UROD: variants seen among roughly 807,000 people sequenced by gnomAD.
UROD encodes the protein uroporphyrinogen decarboxylase.
A neutral mutation model predicts 47.1 loss-of-function variants in UROD; 34 were observed. That is an observed-to-expected ratio of 0.72 (90% CI 0.55 to 0.96). The LOEUF is 0.96. Among genes scored for constraint, UROD ranks in the 40% least tolerant of loss-of-function variants. The pLI is 0.00. For missense variants in UROD, 381 were observed against 471.8 expected, an observed-to-expected ratio of 0.81 and a Z score of 1.78; for synonymous variants, 148 against 175.8, an observed-to-expected ratio of 0.84 and a Z score of 1.25.
chr1:45,014,164 G>C (rs1190067419), intron 6 of UROD, 94 bp downstream of exon 6: 1 of 1,585,634 alleles, frequency 6.3e-7, no homozygotes, highest in Non-Finnish European at 8.7e-7. Context: ...GGGTCTTAAT[G>C]CCAGGGATGA....
Position 45,012,913 on chromosome 1 carries a change from G to A in UROD, c.27G>A (p.Gln9=). Residue 9 remains glutamine, a synonymous_variant, in exon 2 of 10, where the codon CAG becomes CAA. Coordinates refer to ENST00000246337, the MANE Select transcript of UROD (RefSeq NM_000374.5). The part of the protein sequence containing the change: MEANGLGP[Q]GFPELKNDTF... ...ACCCCCACCTGATCGCCAGACCTCA[G>A]GGTTTTCCGGAGCTGAAGAATGACA... 1 of 1,613,264 alleles carries A rather than the reference G, an allele frequency of 6.2e-7. No individual in the cohort carries two copies. Among genetic ancestry groups the A allele is most frequent in the Non-Finnish European group, 8.5e-7 (1 of 1,179,742 alleles).
Position 45,013,026 on chromosome 1 carries a change from G to A in UROD, c.133+7G>A, listed in dbSNP as rs191872916. 7 of 1,614,176 alleles carry A rather than the reference G, an allele frequency of 4.3e-6. No individual in the cohort carries two copies. The African/African-American group carries it at 9.3e-5, about 22-fold the overall frequency. ...GCAGGCCGTTACTTACCAGGTAAGAGTCAGGGTCTGGAAATCTAGATAAAA... is the reference window on the plus strand; with the variant it reads ...GCAGGCCGTTACTTACCAGGTAAGAATCAGGGTCTGGAAATCTAGATAAAA... On this transcript the variant is annotated splice_region_variant and intron_variant, in intron 2 of 9. Transcript: ENST00000246337. This position sits in a 1 kb window ranked among gnomAD's most constrained non-coding sequence, Gnocchi z 4.2.
In UROD at chr1:45,013,905, C is replaced by G; in HGVS notation, c.475-4C>G. 1 of 1,614,226 alleles carries G rather than the reference C, an allele frequency of 6.2e-7. No homozygotes were observed. Among genetic ancestry groups the G allele is most frequent in the Non-Finnish European group, 8.5e-7 (1 of 1,180,048 alleles). ...TGTGACACCATCTTTCTATCCTTCTCTAGTGGACCCTGATGACATACATGG... is the reference window on the plus strand; with the variant it reads ...TGTGACACCATCTTTCTATCCTTCTGTAGTGGACCCTGATGACATACATGG... On this transcript the variant is annotated splice_polypyrimidine_tract_variant and splice_region_variant and intron_variant, in intron 5 of 9. Coordinates refer to ENST00000246337, the MANE Select transcript of UROD (RefSeq NM_000374.5). This position sits in a 1 kb window ranked among gnomAD's most constrained non-coding sequence, Gnocchi z 4.2.
rs778905179 is a variant in UROD at position 45,014,543 on chromosome 1, G to A, written c.741G>A (p.Arg247=). The A allele has an allele frequency of 5.6e-6, 9 of 1,614,254 alleles. No individual in the cohort carries two copies. The South Asian group carries it at 8.8e-5, about 16-fold the overall frequency. ...ATGTGGCCAAGCAAGTGAAGGCCAG[G>A]TTGCGGGAGGCAGGCCTGGCACCAG... ...IRDVAKQVKA[R]LREAGLAPVP... Residue 247 remains arginine, a synonymous_variant, in exon 7 of 10, where the codon AGG becomes AGA. Coordinates refer to ENST00000246337, the MANE Select transcript of UROD (RefSeq NM_000374.5).
Position 45,013,018 on chromosome 1 carries a change from A to G in UROD, c.132A>G (p.Pro44=). Residue 44 remains proline (P), a splice_region_variant and synonymous_variant, in exon 2 of 10, where the codon CCA becomes CCG. Transcript: ENST00000246337. The surrounding 1 kb of genome is among the most constrained non-coding windows in gnomAD (Gnocchi z 4.2). ...TGCGCCAGGCAGGCCGTTACTTACC[A>G]GGTAAGAGTCAGGGTCTGGAAATCT... ...WCMRQAGRYL[P]EFRETRAAQD... is the part of the protein sequence containing the mutation. 2 of 1,614,032 alleles carry G rather than the reference A, an allele frequency of 1.2e-6. No homozygotes were observed. Among genetic ancestry groups the G allele is most frequent in the South Asian group, 1.1e-5 (1 of 91,078 alleles).
Position 45,013,443 on chromosome 1 carries a change from T to C in UROD, c.276+89T>C. On this transcript the variant is annotated intron_variant, in intron 4 of 9. Transcript: ENST00000246337. This position sits in a 1 kb window ranked among gnomAD's most constrained non-coding sequence, Gnocchi z 4.2. ...CCAGTCAAGGTTTACAATAAGCACTTATCCTAACTGGATCGAGGGAAAAAC... is the reference window on the plus strand; with the variant it reads ...CCAGTCAAGGTTTACAATAAGCACTCATCCTAACTGGATCGAGGGAAAAAC... The C allele has an allele frequency of 6.2e-7, 1 of 1,605,648 alleles. No homozygotes were observed. The highest frequency in any genetic ancestry group is 8.5e-7 in the Non-Finnish European group (1 of 1,172,390).
Position 45,013,151 on chromosome 1 carries a change from G to A in UROD, c.149G>A (p.Arg50Gln). Reference sequence around the variant, plus strand: ...CTGTATGCAGAGTTTAGGGAAACCCGGGCTGCCCAGGACTTTTTCAGCACG... The same window carrying A: ...CTGTATGCAGAGTTTAGGGAAACCCAGGCTGCCCAGGACTTTTTCAGCACG... ...GRYLPEFRET[R>Q]AAQDFFSTCR... Residue 50 changes from arginine (R) to glutamine (Q), a missense_variant, in exon 3 of 10, where the codon CGG becomes CAG. Physicochemically the swap from Arg to Gln is conservative, Grantham distance 43. Coordinates refer to ENST00000246337, the MANE Select transcript of UROD (RefSeq NM_000374.5). The surrounding 1 kb of genome is among the most constrained non-coding windows in gnomAD (Gnocchi z 4.2). 1 of 1,614,162 alleles carries A rather than the reference G, an allele frequency of 6.2e-7. No individual in the cohort carries two copies. Among genetic ancestry groups the A allele is most frequent in the African/African-American group, 1.3e-5 (1 of 75,024 alleles).
rs1366344952 is a variant in UROD, at chr1:45,013,649, C to T, written c.332C>T (p.Pro111Leu). Reference sequence around the variant, plus strand: ...GGCAAAGGACCCAGCTTCCCAGAGCCATTAAGAGAAGAGCAGGACCTAGAA... The same window carrying T: ...GGCAAAGGACCCAGCTTCCCAGAGCTATTAAGAGAAGAGCAGGACCTAGAA... ...VPGKGPSFPE[P>L]LREEQDLERL... Residue 111 changes from proline to leucine, a missense_variant, in exon 5 of 10, where the codon CCA (proline) becomes CTA (leucine). Physicochemically the swap from Pro to Leu is moderately conservative, Grantham distance 98. Transcript: ENST00000246337. This position sits in a 1 kb window ranked among gnomAD's most constrained non-coding sequence, Gnocchi z 4.2. 1 of 1,614,132 alleles carries T rather than the reference C, an allele frequency of 6.2e-7. No homozygotes were observed.
In UROD at chr1:45,013,791, A is replaced by G; in HGVS notation, c.474A>G (p.Pro158=). The G allele has an allele frequency of 1.2e-6, 2 of 1,614,178 alleles. No homozygotes were observed. Among genetic ancestry groups the G allele is most frequent in the African/African-American group, 2.7e-5 (2 of 75,062 alleles). The part of the protein sequence containing the change: ...RVPLIGFAGA[P]WTLMTYMVEG... ...CGCTGATTGGCTTTGCTGGTGCCCCAGTAATGTGGGACAGGGCAGGGACTC... is the reference window on the plus strand; with the variant it reads ...CGCTGATTGGCTTTGCTGGTGCCCCGGTAATGTGGGACAGGGCAGGGACTC... The change falls in exon 5 of 10, where the codon CCA becomes CCG. Residue 158 remains proline (P), a splice_region_variant and synonymous_variant. Transcript: ENST00000246337. This position sits in a 1 kb window ranked among gnomAD's most constrained non-coding sequence, Gnocchi z 4.2.
chr1:45,013,369 C>A lies in UROD; in HGVS notation c.276+15C>A. ...TTGTACCCCAGGTACCCACTCAAAC[C>A]TGATCCTAGAATATAATCCAAGGAC... On this transcript the variant is annotated intron_variant, in intron 4 of 9. Transcript: ENST00000246337. This position sits in a 1 kb window ranked among gnomAD's most constrained non-coding sequence, Gnocchi z 4.2. The A allele has an allele frequency of 6.2e-7, 1 of 1,614,206 alleles. No individual in the cohort carries two copies. Among genetic ancestry groups the A allele is most frequent in the Non-Finnish European group, 8.5e-7 (1 of 1,180,026 alleles).
At position 45,014,996 on chromosome 1, in the gene UROD, A is replaced by T. The variant is rs121918061; in HGVS notation, c.932A>T (p.Tyr311Phe). The change falls in exon 9 of 10, where the codon TAT becomes TTT. Residue 311 changes from tyrosine (Y) to phenylalanine (F), a missense_variant. By Grantham distance (22) the Tyr-to-Phe change is conservative. Transcript: ENST00000246337. The stretch of plus-strand genomic sequence containing the variant: ...GGCAACCTGGACCCCTGTGCCTTGT[A>T]TGCATCTGAGGTAACAGCCAGGGCC... ...LQGNLDPCAL[Y>F]ASEEEIGQLV... 2 of 1,613,670 alleles carry T rather than the reference A, an allele frequency of 1.2e-6. No individual in the cohort carries two copies. The highest frequency in any genetic ancestry group is 1.7e-4 in the Middle Eastern group (1 of 5,812).
rs1644815960 is a variant in UROD at position 45,013,008 on chromosome 1, G to A, written c.122G>A (p.Arg41His). ...TPVWCMRQAG[R>H]YLPEFRETRA... ...GTTTGGTGCATGCGCCAGGCAGGCC[G>A]TTACTTACCAGGTAAGAGTCAGGGT... Residue 41 changes from arginine to histidine, a missense_variant, in exon 2 of 10, where the codon CGT becomes CAT. Transcript: ENST00000246337. The surrounding 1 kb of genome is among the most constrained non-coding windows in gnomAD (Gnocchi z 4.2). 3 of 1,613,966 alleles carry A rather than the reference G, an allele frequency of 1.9e-6. No individual in the cohort carries two copies. Among genetic ancestry groups the A allele is most frequent in the African/African-American group, 1.3e-5 (1 of 74,890 alleles).
At position 45,012,280 on chromosome 1, in the gene UROD, G is replaced by A; in HGVS notation, c.15G>A (p.Gly5=). 2 of 1,614,052 alleles carry A rather than the reference G, an allele frequency of 1.2e-6. No individual in the cohort carries two copies. Among genetic ancestry groups the A allele is most frequent in the African/African-American group, 1.3e-5 (1 of 75,026 alleles). ...GACAGCTGACCATGGAAGCGAATGG[G>A]TTGGGGTGAGTTCTCCAGAGCACGC... MEAN[G]LGPQGFPELK... The change falls in exon 1 of 10, where the codon GGG becomes GGA. Residue 5 remains glycine (G), a synonymous_variant. Transcript: ENST00000246337.
Position 45,015,156 on chromosome 1 carries a change from C to T in UROD, c.942+150C>T. The T allele has an allele frequency of 7.6e-6, 11 of 1,455,404 alleles. No individual in the cohort carries two copies. In the South Asian group the frequency reaches 1.1e-4, roughly 14 times the overall value. The allele number at this position is 1,455,404 out of a possible 1,614,324, so 90.2% of individuals were successfully genotyped here. A position where few individuals can be genotyped will look rare whatever the true frequency, so the allele number is the denominator to read the frequency against. On this transcript the variant is annotated intron_variant, in intron 9 of 9. Coordinates refer to ENST00000246337, the MANE Select transcript of UROD (RefSeq NM_000374.5). ...CCTAGAAAGACCGGACTTTTTGTTG[C>T]TGTTGTTCATTTGTGTTTATGCTTC... is the stretch of plus-strand genomic sequence containing the variant.
intron 9 of UROD, 71 bp from the exon 10 acceptor site, chr1:45,015,266 G>A: frequency 6.3e-7 from 1 of 1,595,022 alleles, no homozygotes; most frequent in South Asian, 1.1e-5. Context: ...ATATGCGTTT[G>A]TCACTAGTAT....
At position 45,012,287 on chromosome 1, in the gene UROD, T is replaced by C. The variant is rs1287506370; in HGVS notation, c.20+2T>C. On this transcript the variant is annotated splice_donor_variant, in intron 1 of 9. Coordinates refer to ENST00000246337, the MANE Select transcript of UROD (RefSeq NM_000374.5). LOFTEE classifies it high-confidence loss of function. The stretch of plus-strand genomic sequence containing the variant: ...GACCATGGAAGCGAATGGGTTGGGG[T>C]GAGTTCTCCAGAGCACGCGGTGTGG... 2 of 1,614,028 alleles carry C rather than the reference T, an allele frequency of 1.2e-6. No individual in the cohort carries two copies. The highest frequency in any genetic ancestry group is 3.3e-5 in the Admixed American group (2 of 60,014).
In UROD at chr1:45,013,584, C is replaced by T. The variant is rs1176910558; in HGVS notation, c.277-10C>T. On this transcript the variant is annotated splice_polypyrimidine_tract_variant and intron_variant, in intron 4 of 9. Transcript: ENST00000246337. The surrounding 1 kb of genome is among the most constrained non-coding windows in gnomAD (Gnocchi z 4.2). ...CATTTTGGGAACCCAGATGTTTTCT[C>T]CCCCTCCAGGCACTGGGCATGGAGG... The T allele has an allele frequency of 6.2e-7, 1 of 1,614,140 alleles. No individual in the cohort carries two copies. Among genetic ancestry groups the T allele is most frequent in the Non-Finnish European group, 8.5e-7 (1 of 1,180,018 alleles).
Position 45,013,635 on chromosome 1 carries a change from C to T in UROD, c.318C>T (p.Pro106=), listed in dbSNP as rs771320033. The change falls in exon 5 of 10, where the codon CCC becomes CCT. Residue 106 remains proline, a synonymous_variant. Coordinates refer to ENST00000246337, the MANE Select transcript of UROD (RefSeq NM_000374.5). This position sits in a 1 kb window ranked among gnomAD's most constrained non-coding sequence, Gnocchi z 4.2. The part of the protein sequence containing the change: ...MEVTMVPGKG[P]SFPEPLREEQ... ...TGACCATGGTACCTGGCAAAGGACCCAGCTTCCCAGAGCCATTAAGAGAAG... is the reference window on the plus strand; with the variant it reads ...TGACCATGGTACCTGGCAAAGGACCTAGCTTCCCAGAGCCATTAAGAGAAG... 6.2e-6 allele frequency: 10 copies of T among 1,614,152 alleles called. No individual in the cohort carries two copies. Among genetic ancestry groups the T allele is most frequent in the Non-Finnish European group, 8.5e-6 (10 of 1,180,012 alleles).
Position 45,012,526 on chromosome 1 carries a change from C to G in UROD, c.20+241C>G, listed in dbSNP as rs1193674651. Among the ~76,000 whole-genome samples, 3 of 152,218 alleles carry G rather than the reference C, an allele frequency of 2.0e-5. No individual in the cohort carries two copies. The East Asian group carries it at 5.8e-4, about 29-fold the overall frequency. On this transcript the variant is annotated intron_variant, in intron 1 of 9. Coordinates refer to ENST00000246337, the MANE Select transcript of UROD (RefSeq NM_000374.5). ...CTATTCTGGGACCATCAACTCTGAT[C>G]CCTCTTTATCCCCCAGCCTGGGTAT...
Sources: gnomAD v4.1 joint callset for allele counts (sites outside exome capture counted in the v4.1 genomes callset) on GRCh38, gnomAD v4.1.1 for gene constraint, Gnocchi (gnomAD v3.1) non-coding constraint, MANE v1.5 for transcripts, NCBI Gene and HGNC (gene_info 2026-07-23, HGNC 2026-07-21) for gene names.